Variants in PHEX observed in about 807,000 individuals in gnomAD.
PHEX encodes the protein phosphate-regulating neutral endopeptidase PHEX.
PHEX carries 16 observed loss-of-function variants against 68.0 expected under a neutral mutation model. The ratio of observed to expected loss-of-function variants is 0.24; its 90% CI spans 0.16 to 0.36. PHEX has a LOEUF of 0.36. PHEX is among the 10% of genes least tolerant of loss of function. PHEX has a pLI of 1.00. For synonymous variants in PHEX, 208 were observed against 205.1 expected (o/e 1.01, Z -0.12); for missense variants, 480 against 575.5 (o/e 0.83, Z 1.70).
At chrX:22,043,529 A>G (rs946634065) in intron 2 of PHEX, among the ~76,000 whole-genome samples, 71 of 112,105 alleles carry the variant, frequency 6.3e-4, no homozygotes, top group African/African-American at 2.2e-3. Context: ...TAGCTGCTGC[A>G]TGGTGTTTCT....
Position 22,236,246 on chromosome X carries a change from C to A in PHEX, c.2070+8635C>A, listed in dbSNP as rs928643630. The stretch of plus-strand genomic sequence containing the variant: ...TCTTCCATAAACTCTTCCCCAAGGA[C>A]CCCAGTCCTTATTATTTTCTTTTAT... On this transcript the variant is annotated intron_variant, in intron 20 of 21. Coordinates refer to ENST00000379374, the MANE Select transcript of PHEX (RefSeq NM_000444.6). Among the ~76,000 whole-genome samples, 37 of 112,335 alleles carry A rather than the reference C, an allele frequency of 3.3e-4. 2 individuals are homozygous for A. Among genetic ancestry groups the A allele is most frequent in the Admixed American group, 3.8e-4 (4 of 10,597 alleles).
Position 22,234,019 on chromosome X carries a change from CTGTT to C in PHEX, c.2070+6417_2070+6420del, listed in dbSNP as rs921174628. Among the ~76,000 whole-genome samples the C allele has an allele frequency of 3.4e-3, 378 of 112,476 alleles. 3 individuals are homozygous for C. The highest frequency in any genetic ancestry group is 0.011 in the African/African-American group (346 of 31,011). On this transcript the variant is annotated intron_variant, in intron 20 of 21. Coordinates refer to ENST00000379374, the MANE Select transcript of PHEX (RefSeq NM_000444.6). ...ATTTTAGTAGACGTGCTGTTCCTTT[CTGTT>C]TGTTTGTTAGTTTTCCTTCTTACAA...
intron 11 of PHEX, among the ~76,000 whole-genome samples, chrX:22,131,852 G>C (rs772408133): frequency 9.0e-6 from 1 of 111,049 alleles, no homozygotes; most frequent in East Asian, 2.8e-4. Context: ...CTCTGCAGGA[G>C]AACTGGATTT....
At chrX:22,129,358 A>AG (rs1931881696) in intron 11 of PHEX, among the ~76,000 whole-genome samples, 1 of 112,202 alleles carries the variant, frequency 8.9e-6, no homozygotes, top group South Asian at 3.8e-4. Context: ...ATCGTGAATA[A>AG]GGGGGTACTA....
chrX:22,114,779 A>T (rs1352236596), intron 11 of PHEX, among the ~76,000 whole-genome samples, 193 bp downstream of exon 11: 1 of 111,368 alleles, frequency 9.0e-6, no homozygotes, highest in Non-Finnish European at 1.9e-5. Context: ...GCAGGTATTG[A>T]AGGTTAGAGG....
intron 13 of PHEX, among the ~76,000 whole-genome samples, chrX:22,177,482 G>C (rs187040267): frequency 3.6e-5 from 4 of 111,463 alleles, no homozygotes; most frequent in African/African-American, 1.3e-4. Flanking sequence ...GGTATTGCTA[G>C]TTTTGTAGAT....
chrX:22,096,886 T>G, intron 7 of PHEX, 69 bp from the exon 8 acceptor site: 2 of 810,545 alleles, frequency 2.5e-6, no homozygotes, highest in South Asian at 2.1e-5. Flanking sequence ...TTTTGGCACA[T>G]GTAGGAAGTA....
chrX:22,173,177 G>A (rs747252741), intron 13 of PHEX, among the ~76,000 whole-genome samples: 16 of 112,010 alleles, frequency 1.4e-4, no homozygotes, highest in Admixed American at 3.8e-4. Flanking sequence ...AAAACATTGC[G>A]CTCAGCTCTT....
intron 3 of PHEX, among the ~76,000 whole-genome samples, chrX:22,053,866 T>C (rs1415529097): frequency 1.8e-5 from 2 of 112,236 alleles, no homozygotes; most frequent in Non-Finnish European, 3.8e-5. Context: ...TTGTGATTCA[T>C]AGACCATTTA....
chrX:22,244,460 G>C (rs1293952087), intron 20 of PHEX, among the ~76,000 whole-genome samples: 1 of 110,614 alleles, frequency 9.0e-6, no homozygotes, highest in African/African-American at 3.3e-5. Flanking sequence ...AAATTAGCTG[G>C]GCGTGGCGGT....
At chrX:22,239,987 A>C (rs1288840346) in intron 20 of PHEX, among the ~76,000 whole-genome samples, 1 of 112,070 alleles carries the variant, frequency 8.9e-6, no homozygotes, top group Non-Finnish European at 1.9e-5. Context: ...GGGGAGCCAG[A>C]GAGAAAGGTC....
chrX:22,162,801 T>C (rs1933179581), intron 12 of PHEX: 2 of 111,855 alleles, frequency 1.8e-5, no homozygotes, highest in Admixed American at 1.9e-4. Context: ...AGGTCTAATA[T>C]GCTGGCCTTC....
chrX:22,097,508 A>G (rs1357381072), intron 8 of PHEX, among the ~76,000 whole-genome samples: 1 of 111,605 alleles, frequency 9.0e-6, no homozygotes, highest in Non-Finnish European at 1.9e-5. Flanking sequence ...TTTTACTAGG[A>G]AAAACAAACA....
chrX:22,203,904 C>A (rs1934632520), intron 15 of PHEX, among the ~76,000 whole-genome samples: 1 of 111,401 alleles, frequency 9.0e-6, no homozygotes, highest in African/African-American at 3.3e-5. Flanking sequence ...ATAAGAAATT[C>A]CTTATTTTTC....
chrX:22,144,209 T>C (rs7051981), intron 12 of PHEX, among the ~76,000 whole-genome samples: 12 of 111,345 alleles, frequency 1.1e-4, no homozygotes, highest in African/African-American at 3.6e-4. Flanking sequence ...TAAGATGACA[T>C]GTTCATTTTT....
intron 11 of PHEX, among the ~76,000 whole-genome samples, chrX:22,125,528 C>T (rs1042090256): frequency 6.3e-5 from 7 of 110,691 alleles, no homozygotes; most frequent in African/African-American, 2.3e-4. Context: ...ATTATTCCTA[C>T]TAGATATGTA....
Position 22,077,469 on chromosome X carries a change from C to G in PHEX, c.437-7C>G, listed in dbSNP as rs970161374. On this transcript the variant is annotated splice_region_variant and splice_polypyrimidine_tract_variant and intron_variant, in intron 4 of 21. Transcript: ENST00000379374. ...CTAACTTTCTCTTCATATCTGCTCC[C>G]TTTCAGAAGCGATTGAAAAAGCAGA... is the stretch of plus-strand genomic sequence containing the variant. The G allele has an allele frequency of 2.5e-6, 3 of 1,199,605 alleles. No individual in the cohort carries two copies. Among genetic ancestry groups the G allele is most frequent in the Non-Finnish European group, 3.4e-6 (3 of 885,482 alleles).
At chrX:22,036,052 A>ATTT (rs1262185201) in intron 1 of PHEX, among the ~76,000 whole-genome samples, 38 of 58,387 alleles carry the variant, frequency 6.5e-4, no homozygotes, top group Non-Finnish European at 7.9e-4. Flanking sequence ...ATATATATAT[A>ATTT]TATTTTTTTT....
At chrX:22,175,194 A>G (rs763185098) in intron 13 of PHEX, among the ~76,000 whole-genome samples, 31 of 112,154 alleles carry the variant, frequency 2.8e-4, no homozygotes, top group African/African-American at 5.2e-4. Flanking sequence ...TAATGAAAAC[A>G]ATTTTTAAAT....
Sources: allele counts gnomAD v4.1 joint callset (sites outside exome capture counted in the v4.1 genomes callset), GRCh38; gene constraint gnomAD v4.1.1; transcripts MANE v1.5; gene names NCBI Gene and HGNC (gene_info 2026-07-23, HGNC 2026-07-21).